CDH13: variants seen among roughly 807,000 people sequenced by gnomAD.
The protein encoded by CDH13 is cadherin-13.
A neutral mutation model predicts 63.8 loss-of-function variants in CDH13; 24 were observed. That is an observed-to-expected ratio of 0.38 (90% CI 0.27 to 0.53). The LOEUF (loss-of-function observed/expected upper bound fraction) is 0.53. Ranked by LOEUF, CDH13 falls within the 20% of genes least tolerant of loss-of-function variation. The pLI is 0.85. For synonymous variants in CDH13, 503 were observed against 355.3 expected (o/e 1.42, Z -4.67); for missense variants, 1,049 against 903.1 (o/e 1.16, Z -2.07).
At chr16:83,326,066 G>C (rs1446509295) in intron 5 of CDH13, among the ~76,000 whole-genome samples, 1 of 152,158 alleles carries the variant, frequency 6.6e-6, no homozygotes, top group Non-Finnish European at 1.5e-5. Flanking sequence ...TAGAGGGAAG[G>C]AGAAATAAGT....
chr16:83,027,723 G>T (rs1271983288), intron 2 of CDH13, among the ~76,000 whole-genome samples: 2 of 152,254 alleles, frequency 1.3e-5, no homozygotes, highest in East Asian at 3.9e-4. Context: ...ACCCCACATT[G>T]CCTGGGCTTA....
rs541258230 is a variant in CDH13, at chr16:83,302,474, G to A, written c.637-42388G>A. On this transcript the variant is annotated intron_variant, in intron 5 of 13. Transcript: ENST00000567109. ...ATGTCAAGAAGGCATTTTTCACACT[G>A]CACAAATGGGGCTCCTTATATTCTA... 7.2e-5 allele frequency among the ~76,000 whole-genome samples: 11 copies of A among 152,282 alleles called. No homozygotes were observed. The East Asian group carries it at 1.9e-3, about 27-fold the overall frequency.
At chr16:83,159,590 C>T (rs562805681) in intron 4 of CDH13, among the ~76,000 whole-genome samples, 2 of 152,160 alleles carry the variant, frequency 1.3e-5, no homozygotes, top group Non-Finnish European at 2.9e-5. Flanking sequence ...AACATAGGCA[C>T]ATAAAAAAGA....
At chr16:83,019,210 C>T (rs899843712) in intron 2 of CDH13, among the ~76,000 whole-genome samples, 1 of 152,118 alleles carries the variant, frequency 6.6e-6, no homozygotes, top group Non-Finnish European at 1.5e-5. Flanking sequence ...AAAATATTTT[C>T]TTTATATCCT....
At chr16:82,799,402 G>A (rs13333450) in intron 1 of CDH13, among the ~76,000 whole-genome samples, 1,783 of 152,236 alleles carry the variant, frequency 0.012, 38 homozygotes, top group African/African-American at 0.041. Context: ...GTAATTTACC[G>A]TAAGATGGGC....
chr16:83,446,023 G>A (rs1009992994), intron 6 of CDH13, among the ~76,000 whole-genome samples: 2 of 152,136 alleles, frequency 1.3e-5, no homozygotes, highest in African/African-American at 4.8e-5. Flanking sequence ...GGAAGGTCAG[G>A]TGCTGTGGCT....
rs576559702 is a variant in CDH13 at position 83,617,745 on chromosome 16, C to T, written c.1101+15151C>T. On this transcript the variant is annotated intron_variant, in intron 8 of 13. Coordinates refer to ENST00000567109, the MANE Select transcript of CDH13 (RefSeq NM_001257.5). ...TATATAATATCTATTCTAATATGCA[C>T]ATATCCTAATATGCATATATCTATT... 7.9e-5 allele frequency among the ~76,000 whole-genome samples: 12 copies of T among 151,708 alleles called. No individual in the cohort carries two copies. The South Asian group carries it at 2.3e-3, about 29-fold the overall frequency.
intron 2 of CDH13, among the ~76,000 whole-genome samples, chr16:82,916,303 C>T (rs998723897): frequency 5.9e-5 from 9 of 152,138 alleles, no homozygotes; most frequent in Admixed American, 1.3e-4. Flanking sequence ...TGGCCGGGTG[C>T]CGTAGCTCAC....
rs1255085070 is a variant in CDH13, at chr16:83,653,806, C to CGTG, written c.1102-16984_1102-16983insGTG. Among the ~76,000 whole-genome samples, 7 of 152,292 alleles carry CGTG rather than the reference C, an allele frequency of 4.6e-5. 1 individual carries two copies. In the South Asian group the frequency reaches 6.2e-4, roughly 14 times the overall value. ...GCATCTCACTCCCACATAGGGACAA[C>CGTG]ACTCATGACAGAAGGGGCCTCCTAT... On this transcript the variant is annotated intron_variant, in intron 8 of 13. Transcript: ENST00000567109.
intron 1 of CDH13, among the ~76,000 whole-genome samples, chr16:82,788,940 A>T (rs1054126017): frequency 6.6e-6 from 1 of 152,246 alleles, no homozygotes; most frequent in African/African-American, 2.4e-5. Context: ...ACTTGGGCAC[A>T]GGTAGAGGTG....
intron 6 of CDH13, among the ~76,000 whole-genome samples, chr16:83,419,671 C>T (rs944788420): frequency 3.9e-5 from 6 of 152,308 alleles, no homozygotes; most frequent in Middle Eastern, 3.4e-3. Flanking sequence ...GCCCAAACCC[C>T]GCAGTATTAT....
At chr16:83,201,155 C>G (rs535777543) in intron 4 of CDH13, among the ~76,000 whole-genome samples, 9 of 152,156 alleles carry the variant, frequency 5.9e-5, no homozygotes, top group African/African-American at 2.2e-4. Context: ...TTTTTCCTGA[C>G]CATATGGTCT....
At chr16:82,956,614 C>T (rs936660836) in intron 2 of CDH13, among the ~76,000 whole-genome samples, 6 of 152,284 alleles carry the variant, frequency 3.9e-5, no homozygotes, top group Non-Finnish European at 8.8e-5. Flanking sequence ...AATACAGCAG[C>T]GCCTGTCCTT....
chr16:82,730,029 G>C (rs7206187), intron 1 of CDH13, among the ~76,000 whole-genome samples: 146,906 of 152,302 alleles, frequency 0.96, 71,079 homozygotes, highest in East Asian at 1. Flanking sequence ...TGTTAGGGCT[G>C]TGGATTAGGT....
intron 1 of CDH13, among the ~76,000 whole-genome samples, chr16:82,795,120 G>A (rs1011295964): frequency 1.3e-5 from 2 of 152,190 alleles, no homozygotes; most frequent in African/African-American, 4.8e-5. Flanking sequence ...CAGATAGTGT[G>A]GGAAGGAGTC....
At chr16:83,316,258 C>T (rs550819235) in intron 5 of CDH13, among the ~76,000 whole-genome samples, 1 of 152,294 alleles carries the variant, frequency 6.6e-6, no homozygotes, top group East Asian at 1.9e-4. Context: ...GATTTCAATT[C>T]AAGGTGAGAT....
At chr16:82,909,057 A>G (rs2041741026) in intron 2 of CDH13, among the ~76,000 whole-genome samples, 1 of 152,222 alleles carries the variant, frequency 6.6e-6, no homozygotes, top group Non-Finnish European at 1.5e-5. Context: ...GGACAACTAT[A>G]CTTTAAATCA....
intron 4 of CDH13, chr16:83,180,774 A>G (rs1279792015): frequency 4.7e-6 from 4 of 853,988 alleles, no homozygotes; most frequent in Non-Finnish European, 7.4e-6. Context: ...AAGACAAACA[A>G]ACAAAGGCTG....
At chr16:82,882,628 C>G (rs2040745235) in intron 2 of CDH13, among the ~76,000 whole-genome samples, 1 of 152,096 alleles carries the variant, frequency 6.6e-6, no homozygotes, top group South Asian at 2.1e-4. Context: ...TTCCTTCCCT[C>G]CCTTCCTATC....
Sources: allele counts gnomAD v4.1 joint callset (sites outside exome capture counted in the v4.1 genomes callset), GRCh38; gene constraint gnomAD v4.1.1; transcripts MANE v1.5; gene names NCBI Gene and HGNC (gene_info 2026-07-23, HGNC 2026-07-21).